Variants in GARIN1A observed in about 807,000 individuals in gnomAD.
GARIN1A encodes golgi associated RAB2 interactor 1A.
At chr7:128,708,087 A>G in the GARIN1A span, among the ~76,000 whole-genome samples, 1 of 150,980 alleles carries the variant, frequency 6.6e-6, no homozygotes, top group East Asian at 2.0e-4. Context: ...GTCATGGCTC[A>G]CTGCAGCCTT....
At chr7:128,696,139 C>T in the GARIN1A span, among the ~76,000 whole-genome samples, 68,776 of 150,466 alleles carry the variant, frequency 0.46, 15,662 homozygotes, top group East Asian at 0.57. Context: ...CAGCCTCCTA[C>T]GTAGCTGGGA....
chr7:128,685,794 C>T, the GARIN1A span: 1 of 152,204 alleles, frequency 6.6e-6, no homozygotes, highest in African/African-American at 2.4e-5. Context: ...AAGTGTCCCT[C>T]AGTGAATCAC....
the GARIN1A span, among the ~76,000 whole-genome samples, chr7:128,678,914 A>G: frequency 6.6e-6 from 1 of 151,782 alleles, no homozygotes; most frequent in Non-Finnish European, 1.5e-5. Context: ...CTGATTTTCA[A>G]TGAGTTTCAG....
the GARIN1A span, among the ~76,000 whole-genome samples, chr7:128,682,553 G>C: frequency 2.6e-5 from 4 of 152,072 alleles, no homozygotes; most frequent in Non-Finnish European, 5.9e-5. Context: ...CTGGAAAAAG[G>C]CATGATTAGA....
the GARIN1A span, among the ~76,000 whole-genome samples, chr7:128,688,807 A>AGTCTCCCTCTCCCTCTCTTTCCACC: frequency 1.8e-5 from 1 of 56,124 alleles, no homozygotes; most frequent in Non-Finnish European, 3.3e-5. Context: ...CTCTCCCCAC[A>AGTCTCCCTCTCCCTCTCTTTCCACC]GTCTCCCTCT....
chr7:128,692,673 G>A, the GARIN1A span, among the ~76,000 whole-genome samples: 5 of 152,164 alleles, frequency 3.3e-5, no homozygotes, highest in East Asian at 3.8e-4. Flanking sequence ...AAGATGTGGT[G>A]GAAATTATAT....
the GARIN1A span, among the ~76,000 whole-genome samples, chr7:128,688,948 G>A: frequency 6.6e-6 from 1 of 151,322 alleles, no homozygotes. Flanking sequence ...TTGCAGGCGC[G>A]CGCCACCACG....
At chr7:128,682,131 C>G in the GARIN1A span, among the ~76,000 whole-genome samples, 1 of 152,126 alleles carries the variant, frequency 6.6e-6, no homozygotes, top group Non-Finnish European at 1.5e-5. Context: ...AGTCCTAGAG[C>G]CACAGCTCAA....
chr7:128,673,531 T>C, the GARIN1A span, among the ~76,000 whole-genome samples: 1,150 of 152,284 alleles, frequency 7.6e-3, 12 homozygotes, highest in African/African-American at 0.026. Flanking sequence ...GCAGGGAGGC[T>C]GGAATGCAAG....
At chr7:128,683,875 GA>G in the GARIN1A span, 1 of 156,020 alleles carries the variant, frequency 6.4e-6, no homozygotes, top group Non-Finnish European at 1.4e-5. Flanking sequence ...AATCAAGGCA[GA>G]AGGCAAAAGA....
the GARIN1A span, among the ~76,000 whole-genome samples, chr7:128,674,479 T>C: frequency 6.6e-6 from 1 of 152,184 alleles, no homozygotes; most frequent in Non-Finnish European, 1.5e-5. Context: ...ATAGTTGTTA[T>C]AGTACAGTTA....
the GARIN1A span, among the ~76,000 whole-genome samples, chr7:128,701,400 A>G: frequency 6.5e-3 from 32 of 4,924 alleles, no homozygotes; most frequent in Admixed American, 0.013. Flanking sequence ...AGGGGAGGGG[A>G]AGGGGAAGGG....
chr7:128,687,181 A>T, the GARIN1A span: 2 of 152,192 alleles, frequency 1.3e-5, no homozygotes, highest in African/African-American at 4.8e-5. Flanking sequence ...TGTGCCTTAC[A>T]TGTGCCTTGT....
the GARIN1A span, chr7:128,675,787 A>G: frequency 3.1e-6 from 5 of 1,613,750 alleles, no homozygotes; most frequent in South Asian, 1.1e-5. Flanking sequence ...CTGATGGCCA[A>G]TGTTACCTGG....
At chr7:128,700,420 A>G in the GARIN1A span, among the ~76,000 whole-genome samples, 1 of 151,746 alleles carries the variant, frequency 6.6e-6, no homozygotes, top group Non-Finnish European at 1.5e-5. Context: ...AGCTCAGATT[A>G]CAGGCATGCA....
chr7:128,695,095 A>C, the GARIN1A span, among the ~76,000 whole-genome samples: 2 of 152,220 alleles, frequency 1.3e-5, no homozygotes, highest in Middle Eastern at 6.3e-3. This position sits in a 1 kb window ranked among gnomAD's most constrained non-coding sequence, Gnocchi z 4.5. Context: ...CTAACCTTTA[A>C]AGAAAAAGAT....
the GARIN1A span, among the ~76,000 whole-genome samples, chr7:128,698,471 C>A: frequency 6.6e-6 from 1 of 152,176 alleles, no homozygotes; most frequent in African/African-American, 2.4e-5. Context: ...ACCCATGCCA[C>A]CCCGACTCCA....
At chr7:128,689,851 G>T in the GARIN1A span, among the ~76,000 whole-genome samples, 4 of 151,770 alleles carry the variant, frequency 2.6e-5, no homozygotes, top group African/African-American at 9.7e-5. Flanking sequence ...CTGCCCGGCC[G>T]CCCCTACTAG....
the GARIN1A span, among the ~76,000 whole-genome samples, chr7:128,706,707 G>A: frequency 9.9e-4 from 150 of 152,142 alleles, 4 homozygotes; most frequent in South Asian, 0.03. Flanking sequence ...TCCCTCACCC[G>A]CCACCGCCCC....
Sources: allele counts gnomAD v4.1 joint callset (sites outside exome capture counted in the v4.1 genomes callset), GRCh38; gene constraint gnomAD v4.1.1; non-coding constraint Gnocchi (gnomAD v3.1); transcripts MANE v1.5; gene names NCBI Gene and HGNC (gene_info 2026-07-23, HGNC 2026-07-21).